The following UBE2Q1 variants were observed in gnomAD, a reference collection of about 807,000 sequenced individuals.
The protein encoded by UBE2Q1 is ubiquitin conjugating enzyme E2 Q1.
UBE2Q1 carries 6 observed loss-of-function variants against 60.1 expected under a neutral mutation model. The ratio of observed to expected loss-of-function variants is 0.10; its 90% CI spans 0.05 to 0.20. The LOEUF (loss-of-function observed/expected upper bound fraction) is 0.20. Among genes scored for constraint, UBE2Q1 ranks in the 10% least tolerant of loss-of-function variants. UBE2Q1 has a pLI of 1.00. For synonymous variants in UBE2Q1, 226 were observed against 208.3 expected (o/e 1.09, Z -0.73); for missense variants, 262 against 525.8 (o/e 0.50, Z 4.91).
intron 3 of UBE2Q1, 32 bp downstream of exon 3, chr1:154,555,396 A>G: frequency 6.3e-7 from 1 of 1,590,586 alleles, no homozygotes; most frequent in East Asian, 2.2e-5. Flanking sequence ...GCAACTCTGC[A>G]CAACAGGGCC....
rs976817697 is a variant in UBE2Q1, at chr1:154,552,586, C to T, written c.815-122G>A. ...CAGCTCTAGGTTCACCACAGATGGACATGCAACCAAGCCACTGGCTTGAGG... is the reference window on the plus strand; with the variant it reads ...CAGCTCTAGGTTCACCACAGATGGATATGCAACCAAGCCACTGGCTTGAGG... On this transcript the variant is annotated intron_variant, in intron 6 of 12. Transcript: ENST00000292211. 203 of 1,440,972 alleles carry T rather than the reference C, an allele frequency of 1.4e-4. 1 individual carries two copies. Among genetic ancestry groups the T allele is most frequent in the Non-Finnish European group, 1.9e-4 (199 of 1,047,764 alleles). The allele number at this position is 1,440,972 out of a possible 1,614,324, so 89.3% of individuals were successfully genotyped here. A position where few individuals can be genotyped will look rare whatever the true frequency, so the allele number is the denominator to read the frequency against.
intron 5 of UBE2Q1, 26 bp downstream of exon 5, chr1:154,553,006 C>G (rs1476663349): frequency 2.5e-6 from 4 of 1,612,062 alleles, no homozygotes; most frequent in Admixed American, 1.7e-5. Context: ...AACCCCTTCA[C>G]CAGCCTCTCT....
Position 154,558,421 on chromosome 1 carries a change from G to A in UBE2Q1, c.133C>T (p.Leu45=). ...PGPGPCLRRE[L]KLLESIFHRG... ...TGGAAGATGGACTCGAGCAGCTTCA[G>A]CTCTCGCCTCAGGCAGGGCCCCGGC... is the stretch of plus-strand genomic sequence containing the variant. The change falls in exon 1 of 13, where the codon CTG becomes TTG. Residue 45 remains leucine (L), a synonymous_variant. Coordinates refer to ENST00000292211, the MANE Select transcript of UBE2Q1 (RefSeq NM_017582.7). 1.3e-6 allele frequency: 2 copies of A among 1,510,860 alleles called. No homozygotes were observed. The highest frequency in any genetic ancestry group is 1.8e-6 in the Non-Finnish European group (2 of 1,133,084). 93.6% of individuals were successfully genotyped at this position (1,510,860 alleles called of 1,614,324 possible).
intron 4 of UBE2Q1, 52 bp from the exon 5 acceptor site, chr1:154,553,224 G>A: frequency 1.3e-6 from 2 of 1,580,486 alleles, no homozygotes; most frequent in Non-Finnish European, 1.7e-6. Flanking sequence ...AACCGACACA[G>A]GTTAGAGAAT....
chr1:154,552,361 A>G (rs1695804483), intron 7 of UBE2Q1, 43 bp downstream of exon 7: 1 of 1,611,544 alleles, frequency 6.2e-7, no homozygotes, highest in Non-Finnish European at 8.5e-7. Context: ...CCCCACTCAC[A>G]CTCCTCCTCA....
At chr1:154,552,953 T>C (rs1426001120) in intron 5 of UBE2Q1, 79 bp downstream of exon 5, 14 of 1,600,214 alleles carry the variant, frequency 8.7e-6, no homozygotes, top group Non-Finnish European at 1.2e-5. Flanking sequence ...CTGCTCTCCA[T>C]ACTGAGATGC....
At chr1:154,552,014 G>C in intron 8 of UBE2Q1, 35 bp from the exon 9 acceptor site, 1 of 1,614,098 alleles carries the variant, frequency 6.2e-7, no homozygotes, top group Non-Finnish European at 8.5e-7. Flanking sequence ...AGGGGAGGGA[G>C]GCCAGCATCC....
intron 3 of UBE2Q1, chr1:154,555,144 C>G: frequency 1.8e-6 from 1 of 553,692 alleles, no homozygotes; most frequent in East Asian, 3.0e-5. Context: ...CAGTGGCCAC[C>G]AACTGTTATT....
Position 154,558,617 on chromosome 1 carries a change from GC to G in UBE2Q1, c.-65del, listed in dbSNP as rs1695938762. On this transcript the variant is annotated 5_prime_UTR_variant, in exon 1 of 13. Coordinates refer to ENST00000292211, the MANE Select transcript of UBE2Q1 (RefSeq NM_017582.7). ...GCCTCCGGCCTGCGCTCCGGGCTCC[GC>G]CGCCGCCGCCGCCGCCGCCGCCGCC... 10 of 38,388 alleles carry G rather than the reference GC, an allele frequency of 2.6e-4. No individual in the cohort carries two copies. Among genetic ancestry groups the G allele is most frequent in the Non-Finnish European group, 3.3e-4 (10 of 30,140 alleles). 2.4% of individuals were successfully genotyped at this position (38,388 alleles called of 1,614,324 possible).
chr1:154,551,338 T>G, intron 11 of UBE2Q1, 59 bp downstream of exon 11: 1 of 1,563,804 alleles, frequency 6.4e-7, no homozygotes, highest in Non-Finnish European at 8.8e-7. Context: ...GGCCTGCTAG[T>G]GGCCCCAAGT....
intron 8 of UBE2Q1, 22 bp downstream of exon 8, chr1:154,552,071 G>A (rs755854492): frequency 1.2e-6 from 2 of 1,614,080 alleles, no homozygotes; most frequent in Non-Finnish European, 1.7e-6. Flanking sequence ...CAGAGGGAGA[G>A]ACTGGAAAAG....
rs1380731946 is a variant in UBE2Q1, at chr1:154,558,281, G to A, written c.273C>T (p.Leu91=). 1.1e-5 allele frequency: 18 copies of A among 1,581,270 alleles called. No homozygotes were observed. The South Asian group carries it at 1.4e-4, about 12-fold the overall frequency. ...AGAGAAPGPH[L]PPRGSVPGDP... is the part of the protein sequence containing the mutation. ...CCCCAGGCACCGACCCCCGTGGGGG[G>A]AGATGCGGTCCGGGCGCGGCCCCCG... The change falls in exon 1 of 13, where the codon CTC becomes CTT. Residue 91 remains leucine (L), a synonymous_variant. Transcript: ENST00000292211.
chr1:154,550,683 A>T, intron 12 of UBE2Q1: 1 of 985,316 alleles, frequency 1.0e-6, no homozygotes, highest in African/African-American at 1.7e-5. Context: ...GGAGAGTTAG[A>T]TGAGCTTTTT....
intron 2 of UBE2Q1, 119 bp downstream of exon 2, chr1:154,555,741 G>T (rs1313304873): frequency 1.0e-6 from 1 of 998,718 alleles, no homozygotes; most frequent in South Asian, 1.5e-5. Flanking sequence ...TCCCCCGAGA[G>T]GTCATCCCCT....
chr1:154,552,440 T>C lies in UBE2Q1; in HGVS notation c.839A>G (p.Asn280Ser), dbSNP rs1356115562. ...KGGNYAVELV[N>S]DSLYDWNVKL... ...GACATTCCAATCATACAGACTGTCA[T>C]TCACGAGTTCGACTGCATAGTTTCC... The change falls in exon 7 of 13, where the codon AAT becomes AGT. Residue 280 changes from asparagine to serine, a missense_variant. This residue lies in a region of UBE2Q1 where 111 missense variants were observed against 266.8 expected (regional missense o/e 0.42). Transcript: ENST00000292211. The C allele has an allele frequency of 6.2e-7, 1 of 1,614,230 alleles. No homozygotes were observed. Among genetic ancestry groups the C allele is most frequent in the Non-Finnish European group, 8.5e-7 (1 of 1,180,032 alleles).
intron 2 of UBE2Q1, among the ~76,000 whole-genome samples, 154 bp from the exon 3 acceptor site, chr1:154,555,686 A>G (rs1164485298): frequency 1.3e-5 from 2 of 152,010 alleles, no homozygotes; most frequent in African/African-American, 2.4e-5. Context: ...TGATGGACCA[A>G]TCCCAGGGCC....
chr1:154,555,771 G>C, intron 2 of UBE2Q1, 89 bp downstream of exon 2: 1 of 1,238,172 alleles, frequency 8.1e-7, no homozygotes, highest in Non-Finnish European at 1.2e-6. Flanking sequence ...GCTGTGTACC[G>C]TCCACTTTTC....
chr1:154,556,866 G>C (rs1240374034), intron 1 of UBE2Q1, among the ~76,000 whole-genome samples: 24 of 152,180 alleles, frequency 1.6e-4, no homozygotes, highest in Admixed American at 1.5e-3. Flanking sequence ...GCTTAATTCA[G>C]GAACAAAATT....
Position 154,550,465 on chromosome 1 carries a change from C to G in UBE2Q1, c.1242G>C (p.Trp414Cys). Residue 414 changes from tryptophan to cysteine, a missense_variant, in exon 13 of 13, where the codon TGG becomes TGC. This residue lies in a region of UBE2Q1 where 22 missense variants were observed against 121.5 expected (regional missense o/e 0.18). Transcript: ENST00000292211. ...AGCCGTCTTCTTTTGGGGGTGTGTA[C>G]CAGCCTGCAAAGAAATGGAATGGTC... Reference protein sequence around the residue: ...SLVQIHEKNGWYTPPKEDG With the variant: ...SLVQIHEKNGCYTPPKEDG The G allele has an allele frequency of 6.2e-7, 1 of 1,613,812 alleles. No individual in the cohort carries two copies.
Sources: gnomAD v4.1 joint callset for allele counts (sites outside exome capture counted in the v4.1 genomes callset) on GRCh38, gnomAD v4.1.1 for gene constraint, gnomAD v4.1.1 regional missense constraint, MANE v1.5 for transcripts, NCBI Gene and HGNC (gene_info 2026-07-23, HGNC 2026-07-21) for gene names.